Variants in DOCK8 observed in about 807,000 individuals in gnomAD.
DOCK8 encodes dedicator of cytokinesis 8, also known as dedicator of cytokinesis protein 8.
Under a neutral mutation model 245.6 loss-of-function variants are expected in DOCK8, and 141 were observed. The observed-to-expected ratio is 0.57, with a 90% CI of 0.50 to 0.66. The LOEUF is 0.66. Among genes scored for constraint, DOCK8 ranks in the 30% least tolerant of loss-of-function variants. The pLI, the probability that DOCK8 is intolerant of heterozygous loss-of-function variation, is 0.00. For synonymous variants in DOCK8, 1,168 were observed against 970.2 expected (o/e 1.20, Z -3.79); for missense variants, 2,965 against 2,603.4 (o/e 1.14, Z -3.02).
intron 14 of DOCK8, among the ~76,000 whole-genome samples, chr9:346,364 G>T (rs950928730): frequency 6.6e-6 from 1 of 152,148 alleles, no homozygotes; most frequent in African/African-American, 2.4e-5. Context: ...CATGGGCTGA[G>T]GCCAAGGCCC....
At chr9:332,768 C>T (rs889354784) in intron 10 of DOCK8, among the ~76,000 whole-genome samples, 1 of 151,466 alleles carries the variant, frequency 6.6e-6, no homozygotes, top group African/African-American at 2.4e-5. Flanking sequence ...AATGATCCTC[C>T]CCCTTCAGCC....
In DOCK8 at chr9:271,402, A is replaced by AC. The variant is rs146115825; in HGVS notation, c.54-223dup. On this transcript the variant is annotated intron_variant, in intron 1 of 47. Coordinates refer to ENST00000432829, the MANE Select transcript of DOCK8 (RefSeq NM_203447.4). ...CATCATCCTTCCAGTATTGGGCAGG[A>AC]CCTGACTGCAGGCATCATGGCCTCT... Among the ~76,000 whole-genome samples the AC allele has an allele frequency of 0.033, 4,977 of 152,222 alleles. 253 individuals are homozygous for AC. The highest frequency in any genetic ancestry group is 0.11 in the African/African-American group (4,601 of 41,506).
At chr9:411,793 A>G (rs2055744022) in intron 28 of DOCK8, among the ~76,000 whole-genome samples, 1 of 152,208 alleles carries the variant, frequency 6.6e-6, no homozygotes, top group African/African-American at 2.4e-5. Context: ...ATACCTGAAA[A>G]TCAATTGTTG....
intron 4 of DOCK8, among the ~76,000 whole-genome samples, chr9:293,093 A>G (rs1006118518): frequency 1.3e-5 from 2 of 152,210 alleles, no homozygotes; most frequent in African/African-American, 4.8e-5. Flanking sequence ...ACCCCTGTGT[A>G]ATGGAGCAGT....
intron 5 of DOCK8, among the ~76,000 whole-genome samples, chr9:309,709 C>A (rs1004372062): frequency 1.3e-5 from 2 of 152,130 alleles, no homozygotes; most frequent in African/African-American, 4.8e-5. Context: ...ATAACTGTTA[C>A]CAAATTCCCG....
At chr9:238,687 G>A (rs1189262610) in intron 1 of DOCK8, among the ~76,000 whole-genome samples, 2 of 152,132 alleles carry the variant, frequency 1.3e-5, no homozygotes, top group Non-Finnish European at 2.9e-5. Flanking sequence ...TTAAGTTCCA[G>A]TACATATGTG....
chr9:262,039 C>T (rs1453382693), intron 1 of DOCK8, among the ~76,000 whole-genome samples: 1 of 89,908 alleles, frequency 1.1e-5, no homozygotes, highest in Non-Finnish European at 2.6e-5. Flanking sequence ...AAGAAAGACA[C>T]CGCGATTTAC....
At chr9:330,046 G>A (rs1342776653) in intron 9 of DOCK8, among the ~76,000 whole-genome samples, 1 of 152,240 alleles carries the variant, frequency 6.6e-6, no homozygotes, top group Admixed American at 6.5e-5. Context: ...ACATTATTTG[G>A]TAAGAGGGGC....
At chr9:324,307 G>A (rs1437371956) in intron 7 of DOCK8, among the ~76,000 whole-genome samples, 3 of 152,126 alleles carry the variant, frequency 2.0e-5, no homozygotes, top group African/African-American at 7.2e-5. Flanking sequence ...CATTGATGAG[G>A]ACATCCTCTC....
intron 2 of DOCK8, among the ~76,000 whole-genome samples, chr9:279,581 A>C (rs192767718): frequency 6.6e-6 from 1 of 152,310 alleles, no homozygotes; most frequent in Admixed American, 6.5e-5. Context: ...AGACTGGGAC[A>C]CCCTGAGACA....
intron 4 of DOCK8, among the ~76,000 whole-genome samples, chr9:295,244 C>T (rs72701264): frequency 6.6e-6 from 1 of 151,862 alleles, no homozygotes; most frequent in East Asian, 1.9e-4. Flanking sequence ...GATGAAGCTA[C>T]AGGGATGGAA....
At chr9:311,888 A>T in intron 5 of DOCK8, 66 bp from the exon 6 acceptor site, 1 of 1,588,638 alleles carries the variant, frequency 6.3e-7, no homozygotes, top group South Asian at 1.1e-5. Context: ...GAGACATCCA[A>T]GATTCTTCGG....
chr9:344,689 A>T (rs112222931), intron 14 of DOCK8, among the ~76,000 whole-genome samples: 3 of 152,058 alleles, frequency 2.0e-5, no homozygotes, highest in Non-Finnish European at 4.4e-5. Flanking sequence ...TCAAGCAACG[A>T]TCTCTAAACT....
chr9:255,901 T>C (rs1249699885), intron 1 of DOCK8, among the ~76,000 whole-genome samples: 1 of 152,302 alleles, frequency 6.6e-6, no homozygotes, highest in South Asian at 2.1e-4. Flanking sequence ...TTCAGGCTTA[T>C]TGATTTAAAA....
intron 33 of DOCK8, among the ~76,000 whole-genome samples, chr9:423,873 T>C (rs1453328720): frequency 2.6e-5 from 4 of 152,166 alleles, no homozygotes; most frequent in Non-Finnish European, 5.9e-5. Context: ...AGGCCTGTTT[T>C]GCCTGGGCTG....
intron 7 of DOCK8, among the ~76,000 whole-genome samples, chr9:319,658 C>T (rs2050499564): frequency 6.6e-6 from 1 of 151,644 alleles, no homozygotes; most frequent in Admixed American, 6.6e-5. Context: ...ATGTTTTAGC[C>T]CCTGAGGAAT....
chr9:403,938 ATATATGTGTATATATATATATG>A (rs2055268958), intron 26 of DOCK8, among the ~76,000 whole-genome samples: 1 of 83,144 alleles, frequency 1.2e-5, no homozygotes, highest in Admixed American at 1.3e-4. Context: ...ATGTGTATAT[ATATATGTGTATATATATATATG>A]TATATATATA....
At chr9:429,967 C>G (rs2056649711) in intron 36 of DOCK8, 113 bp downstream of exon 36, 1 of 1,323,602 alleles carries the variant, frequency 7.6e-7, no homozygotes, top group Non-Finnish European at 1.1e-6. Flanking sequence ...TACTTCTGTC[C>G]TGTGAGAAAG....
chr9:331,562 A>C (rs2051015999), intron 9 of DOCK8, among the ~76,000 whole-genome samples: 1 of 152,214 alleles, frequency 6.6e-6, no homozygotes, highest in Non-Finnish European at 1.5e-5. Context: ...GATCATCTCA[A>C]CTGATGGGAC....
Sources: allele counts gnomAD v4.1 joint callset (sites outside exome capture counted in the v4.1 genomes callset), GRCh38; gene constraint gnomAD v4.1.1; transcripts MANE v1.5; gene names NCBI Gene and HGNC (gene_info 2026-07-23, HGNC 2026-07-21).